RBFOX1: variants seen among roughly 807,000 people sequenced by gnomAD.
The protein encoded by RBFOX1 is RNA binding protein fox-1 homolog 1.
In RBFOX1, 8 loss-of-function variants were observed where a neutral mutation model predicts 57.7. The observed-to-expected ratio is 0.14, with a 90% CI of 0.08 to 0.25. RBFOX1 has a LOEUF of 0.25. RBFOX1 is among the 10% of genes least tolerant of loss of function. The pLI is 1.00. For synonymous variants in RBFOX1, 326 were observed against 222.4 expected, an observed-to-expected ratio of 1.47 and a Z score of -4.15; for missense variants, 611 against 548.5, an observed-to-expected ratio of 1.11 and a Z score of -1.14.
At chr16:6,280,025 A>G (rs966578850) in intron 1 of RBFOX1, among the ~76,000 whole-genome samples, 7 of 152,150 alleles carry the variant, frequency 4.6e-5, no homozygotes, top group Admixed American at 2.0e-4. Flanking sequence ...TAAGCAGGTT[A>G]GAAATATGAG....
intron 2 of RBFOX1, among the ~76,000 whole-genome samples, chr16:5,557,773 A>G (rs1365861284): frequency 6.6e-6 from 1 of 152,216 alleles, no homozygotes; most frequent in African/African-American, 2.4e-5. Context: ...CTGAAGACCC[A>G]TGGCTGTAAG....
chr16:6,905,103 A>G (rs2069500086), intron 3 of RBFOX1, among the ~76,000 whole-genome samples: 1 of 152,152 alleles, frequency 6.6e-6, no homozygotes, highest in Non-Finnish European at 1.5e-5. Flanking sequence ...CAGTGTTGTT[A>G]AAAAATCCAA....
intron 1 of RBFOX1, among the ~76,000 whole-genome samples, chr16:6,313,327 C>T (rs781007076): frequency 6.6e-6 from 1 of 152,196 alleles, no homozygotes; most frequent in Non-Finnish European, 1.5e-5. Context: ...AACACAGTCA[C>T]ATTTACATTT....
chr16:5,816,953 C>G (rs1019154179), intron 3 of RBFOX1, among the ~76,000 whole-genome samples: 1 of 152,162 alleles, frequency 6.6e-6, no homozygotes, highest in Admixed American at 6.5e-5. Flanking sequence ...TCTGTGTTCT[C>G]TTTGTTTTTG....
At chr16:7,450,367 C>A (rs2098842198) in intron 4 of RBFOX1, among the ~76,000 whole-genome samples, 1 of 115,866 alleles carries the variant, frequency 8.6e-6, no homozygotes, top group African/African-American at 3.4e-5. Flanking sequence ...GCACTCCAGC[C>A]TGGCGACAGA....
At chr16:6,228,914 A>G (rs779318756) in intron 1 of RBFOX1, among the ~76,000 whole-genome samples, 4 of 152,160 alleles carry the variant, frequency 2.6e-5, no homozygotes, top group Non-Finnish European at 5.9e-5. Context: ...AACATATATA[A>G]TTTTATTTGT....
At chr16:6,141,865 C>G (rs2096718493) in intron 1 of RBFOX1, among the ~76,000 whole-genome samples, 1 of 151,850 alleles carries the variant, frequency 6.6e-6, no homozygotes, top group Non-Finnish European at 1.5e-5. Context: ...TCAAGACCAA[C>G]CTGACCAACA....
intron 2 of RBFOX1, among the ~76,000 whole-genome samples, chr16:6,470,709 C>T (rs184349356): frequency 1.6e-4 from 24 of 152,280 alleles, no homozygotes; most frequent in African/African-American, 4.1e-4. Flanking sequence ...ACCTGGTCAT[C>T]GATACCACCA....
intron 4 of RBFOX1, among the ~76,000 whole-genome samples, chr16:7,181,742 G>A (rs1243276320): frequency 6.6e-6 from 1 of 151,904 alleles, no homozygotes; most frequent in Non-Finnish European, 1.5e-5. Context: ...TGTATTTTTG[G>A]TAGAGACACA....
At chr16:6,334,961 G>A (rs1306244110) in intron 2 of RBFOX1, among the ~76,000 whole-genome samples, 1 of 152,210 alleles carries the variant, frequency 6.6e-6, no homozygotes, top group Non-Finnish European at 1.5e-5. Context: ...TTACTGTCAA[G>A]CAAGAGAGAA....
intron 1 of RBFOX1, among the ~76,000 whole-genome samples, chr16:6,257,312 G>C (rs958791432): frequency 3.3e-5 from 5 of 151,970 alleles, no homozygotes; most frequent in African/African-American, 1.2e-4. Flanking sequence ...TGGCCCCTCA[G>C]CCAAAGGAGC....
At chr16:5,607,956 G>A (rs139181764) in intron 3 of RBFOX1, among the ~76,000 whole-genome samples, 1 of 152,192 alleles carries the variant, frequency 6.6e-6, no homozygotes, top group Non-Finnish European at 1.5e-5. Context: ...GTTGTTTGTA[G>A]TTTGGGGCTA....
chr16:5,536,662 C>T (rs67246208), intron 2 of RBFOX1, among the ~76,000 whole-genome samples: 53,186 of 151,832 alleles, frequency 0.35, 9,726 homozygotes, highest in African/African-American at 0.39. Flanking sequence ...AAATTCGGTC[C>T]CCACTCCCAT....
chr16:5,806,844 C>T (rs1597329781), intron 3 of RBFOX1, among the ~76,000 whole-genome samples: 1 of 152,218 alleles, frequency 6.6e-6, no homozygotes, highest in African/African-American at 2.4e-5. Flanking sequence ...TCGTCAGGGG[C>T]TCTTCTTATT....
intron 3 of RBFOX1, among the ~76,000 whole-genome samples, chr16:6,720,246 GA>G (rs895390246): frequency 6.7e-5 from 10 of 148,664 alleles, no homozygotes; most frequent in African/African-American, 2.0e-4. Flanking sequence ...GAATGTTCAA[GA>G]AAAAAAAAAG....
chr16:6,989,706 G>T (rs1480110119), intron 3 of RBFOX1, among the ~76,000 whole-genome samples: 4 of 151,996 alleles, frequency 2.6e-5, no homozygotes, highest in African/African-American at 9.7e-5. Context: ...AGAAATAGAA[G>T]TCCCTAAAAG....
At position 5,921,630 on chromosome 16, in the gene RBFOX1, T is replaced by C. The variant is rs111438784; in HGVS notation, c.351+54295T>C. 3.0e-3 allele frequency among the ~76,000 whole-genome samples: 459 copies of C among 152,316 alleles called. 5 individuals carry two copies. The highest frequency in any genetic ancestry group is 0.024 in the Middle Eastern group (7 of 294). On this transcript the variant is annotated intron_variant, in intron 4 of 19. Coordinates refer to the RBFOX1 transcript ENST00000641259. ...AAAAGGAAGTGTGTTAGGTGGTTCT[T>C]GCGTTGCCCTAAAGAAATACCTGAG... is the stretch of plus-strand genomic sequence containing the variant.
intron 5 of RBFOX1, among the ~76,000 whole-genome samples, chr16:7,554,641 GCCTCTAA>G (rs2087715466): frequency 6.6e-6 from 1 of 152,024 alleles, no homozygotes; most frequent in Admixed American, 6.6e-5. Flanking sequence ...AGCACTTTGA[GCCTCTAA>G]CCTTTTTTTT....
At chr16:5,371,317 C>G (rs558291460) in intron 1 of RBFOX1, among the ~76,000 whole-genome samples, 1 of 152,136 alleles carries the variant, frequency 6.6e-6, no homozygotes, top group Non-Finnish European at 1.5e-5. Context: ...TCCAATCTGA[C>G]TAGTGTTCTG....
Sources: gnomAD v4.1 joint callset for allele counts (sites outside exome capture counted in the v4.1 genomes callset) on GRCh38, gnomAD v4.1.1 for gene constraint, MANE v1.5 for transcripts, NCBI Gene and HGNC (gene_info 2026-07-23, HGNC 2026-07-21) for gene names.